The following CHRNA3 variants were observed in gnomAD, a reference collection of about 807,000 sequenced individuals.
CHRNA3 encodes neuronal acetylcholine receptor subunit alpha-3.
CHRNA3 carries 34 observed loss-of-function variants against 41.9 expected under a neutral mutation model. The ratio of observed to expected loss-of-function variants is 0.81; its 90% CI spans 0.62 to 1.08. CHRNA3 has a LOEUF of 1.08. Ranked by LOEUF, CHRNA3 falls within the 50% of genes least tolerant of loss-of-function variation. The probability of loss-of-function intolerance (pLI) is 0.00; values close to 1 mark genes in which losing one functional copy is unlikely to be tolerated. For missense variants in CHRNA3, 542 were observed against 638.3 expected (o/e 0.85, Z 1.63); for synonymous variants, 281 against 265.2 (o/e 1.06, Z -0.58).
intron 4 of CHRNA3, among the ~76,000 whole-genome samples, 199 bp downstream of exon 4, chr15:78,616,825 A>C (rs1260566401): frequency 6.6e-6 from 1 of 152,136 alleles, no homozygotes; most frequent in Non-Finnish European, 1.5e-5. Flanking sequence ...GCCACTCAGC[A>C]CACTGCTGCT....
intron 5 of CHRNA3, among the ~76,000 whole-genome samples, chr15:78,599,518 C>T (rs1012135515): frequency 6.6e-6 from 1 of 151,410 alleles, no homozygotes; most frequent in Non-Finnish European, 1.5e-5. Context: ...GCCTCTTTAG[C>T]CTGCCACTCC....
At position 78,601,961 on chromosome 15, in the gene CHRNA3, G is replaced by T. The variant is rs201699381; in HGVS notation, c.681C>A (p.Ile227=). 75 of 1,613,712 alleles carry T rather than the reference G, an allele frequency of 4.6e-5. No homozygotes were observed. In the South Asian group the frequency reaches 5.2e-4, roughly 11 times the overall value. ...HDIKYNCCEE[I]YPDITYSLYI... The stretch of plus-strand genomic sequence containing the variant: ...ACAGCGAGTATGTGATGTCGGGGTA[G>T]ATCTCCTCGCAGCAGTTGTACTTGA... The change falls in exon 5 of 6, where the codon ATC becomes ATA. Residue 227 remains isoleucine, a synonymous_variant. Transcript: ENST00000326828.
Position 78,596,168 on chromosome 15 carries a change from T to TG in CHRNA3, c.*435dup, listed in dbSNP as rs869256283. The TG allele has an allele frequency of 1.0e-6, 1 of 984,964 alleles. No homozygotes were observed. The highest frequency in any genetic ancestry group is 6.1e-5 in the Admixed American group (1 of 16,282). 61.0% of individuals were successfully genotyped at this position (984,964 alleles called of 1,614,324 possible). On this transcript the variant is annotated 3_prime_UTR_variant, in exon 6 of 6. Coordinates refer to ENST00000326828, the MANE Select transcript of CHRNA3 (RefSeq NM_000743.5). ...ATGCATGGTAAGAAATGGGTAACGATGGGGGATTGCTGAATTAGTATAAAC... is the reference window on the plus strand; with the variant it reads ...ATGCATGGTAAGAAATGGGTAACGATGGGGGGATTGCTGAATTAGTATAAAC...
chr15:78,609,662 T>A (rs1752192729), intron 4 of CHRNA3, among the ~76,000 whole-genome samples: 2 of 152,170 alleles, frequency 1.3e-5, no homozygotes, highest in South Asian at 2.1e-4. Context: ...AGGAAGAAAC[T>A]GCATCAACTA....
chr15:78,618,203 C>T lies in CHRNA3; in HGVS notation c.267+414G>A, dbSNP rs530314547. ...TGGAGATTGCAGTGAGCCGAGATCA[C>T]GCCACAGCACTCCGGCCTGGGTGAC... On this transcript the variant is annotated intron_variant, in intron 3 of 5. Coordinates refer to ENST00000326828, the MANE Select transcript of CHRNA3 (RefSeq NM_000743.5). Among the ~76,000 whole-genome samples, 12 of 152,214 alleles carry T rather than the reference C, an allele frequency of 7.9e-5. No individual in the cohort carries two copies. The South Asian group carries it at 1.5e-3, about 18-fold the overall frequency.
chr15:78,607,580 A>T (rs1275713531), intron 4 of CHRNA3: 4 of 146,998 alleles, frequency 2.7e-5, no homozygotes, highest in Non-Finnish European at 5.9e-5. Context: ...AATACAAAAA[A>T]ATTCGGGTGG....
chr15:78,615,628 G>T (rs922402245), intron 4 of CHRNA3, among the ~76,000 whole-genome samples: 1 of 151,158 alleles, frequency 6.6e-6, no homozygotes, highest in African/African-American at 2.4e-5. Context: ...TGTTTCTGTG[G>T]GGCAGGACCT....
rs1954656975 is a variant in CHRNA3 at position 78,620,975 on chromosome 15, G to A, written c.-181C>T. On this transcript the variant is annotated 5_prime_UTR_variant, in exon 1 of 6. Transcript: ENST00000326828. The stretch of plus-strand genomic sequence containing the variant: ...GTTTCCAGCGCCCTCGGACCCGCGG[G>A]AGGACAGGAACCATCCGGAGTGAAG... 3 of 772,454 alleles carry A rather than the reference G, an allele frequency of 3.9e-6. No homozygotes were observed. Among genetic ancestry groups the A allele is most frequent in the Non-Finnish European group, 5.1e-6 (3 of 582,970 alleles). 47.8% of individuals were successfully genotyped at this position (772,454 alleles called of 1,614,324 possible).
chr15:78,615,506 A>C (rs1356969218), intron 4 of CHRNA3, among the ~76,000 whole-genome samples: 1 of 148,898 alleles, frequency 6.7e-6, no homozygotes, highest in Non-Finnish European at 1.5e-5. Flanking sequence ...TCATCTGTGA[A>C]ATGTCAGGGA....
chr15:78,617,015 G>C lies in CHRNA3; in HGVS notation c.377+9C>G. On this transcript the variant is annotated intron_variant, in intron 4 of 5. Transcript: ENST00000326828. ...GCCCTGAGAGGGCGTGGGCCCCCCA[G>C]CACCTTACTTGTTATACAGCACAAT... is the stretch of plus-strand genomic sequence containing the variant. 6.2e-7 allele frequency: 1 copy of C among 1,601,754 alleles called. No individual in the cohort carries two copies. The highest frequency in any genetic ancestry group is 1.1e-5 in the South Asian group (1 of 90,240).
At chr15:78,620,486 C>T (rs1413868935) in intron 1 of CHRNA3, among the ~76,000 whole-genome samples, 1 of 151,658 alleles carries the variant, frequency 6.6e-6, no homozygotes, top group African/African-American at 2.4e-5. Flanking sequence ...CGCTCAGTGA[C>T]TCCCAGGTTT....
At chr15:78,618,570 AAC>A (rs1302968853) in intron 3 of CHRNA3, 45 bp downstream of exon 3, 4 of 1,611,150 alleles carry the variant, frequency 2.5e-6, no homozygotes, top group African/African-American at 2.7e-5. Flanking sequence ...AAGCAAATAA[AAC>A]AGTCACCACC....
At chr15:78,594,160 AATT>A (rs1179786546), downstream of CHRNA3, 1 of 152,234 alleles carries the variant, frequency 6.6e-6, no homozygotes, top group Non-Finnish European at 1.5e-5. Context: ...TTAGATGCTT[AATT>A]ATTGTGTTAA....
chr15:78,608,655 ACT>A (rs2053335765), intron 4 of CHRNA3, among the ~76,000 whole-genome samples: 1 of 152,188 alleles, frequency 6.6e-6, no homozygotes, highest in South Asian at 2.1e-4. Flanking sequence ...AAAACTGGAA[ACT>A]CTAAAAATCA....
downstream of CHRNA3, chr15:78,595,231 C>T: frequency 3.2e-6 from 3 of 935,038 alleles, no homozygotes; most frequent in Non-Finnish European, 3.8e-6. Flanking sequence ...ACTACCATTA[C>T]TGTTACTTAT....
intron 1 of CHRNA3, 150 bp downstream of exon 1, chr15:78,620,563 C>T: frequency 7.7e-7 from 1 of 1,305,140 alleles, no homozygotes; most frequent in Non-Finnish European, 9.8e-7. Flanking sequence ...CGCCGCCGGG[C>T]TGGAGCCAGT....
At position 78,596,549 on chromosome 15, in the gene CHRNA3, G is replaced by T; in HGVS notation, c.*55C>A. ...GAAAGTACGTTCTTACTAGGAAGCAGCCTCCTCCTGCCCTGACACAAGGAA... is the reference window on the plus strand; with the variant it reads ...GAAAGTACGTTCTTACTAGGAAGCATCCTCCTCCTGCCCTGACACAAGGAA... On this transcript the variant is annotated 3_prime_UTR_variant, in exon 6 of 6. Transcript: ENST00000326828. 1 of 1,399,510 alleles carries T rather than the reference G, an allele frequency of 7.1e-7. No homozygotes were observed. Among genetic ancestry groups the T allele is most frequent in the South Asian group, 1.9e-5 (1 of 51,552 alleles). 86.7% of individuals were successfully genotyped at this position (1,399,510 alleles called of 1,614,324 possible).
At chr15:78,614,822 A>T (rs1284030160) in intron 4 of CHRNA3, among the ~76,000 whole-genome samples, 2 of 152,342 alleles carry the variant, frequency 1.3e-5, no homozygotes, top group Non-Finnish European at 2.9e-5. Flanking sequence ...AATATCAACT[A>T]AAATTTATGT....
chr15:78,607,859 C>G (rs980335400), intron 4 of CHRNA3, among the ~76,000 whole-genome samples: 1 of 152,214 alleles, frequency 6.6e-6, no homozygotes, highest in African/African-American at 2.4e-5. Flanking sequence ...AAAATCGGGT[C>G]ACTCCCACCC....
Sources: allele counts gnomAD v4.1 joint callset (sites outside exome capture counted in the v4.1 genomes callset), GRCh38; gene constraint gnomAD v4.1.1; transcripts MANE v1.5; gene names NCBI Gene and HGNC (gene_info 2026-07-23, HGNC 2026-07-21).